MAN1A1: variants seen among roughly 807,000 people sequenced by gnomAD.
MAN1A1 encodes mannosidase alpha class 1A member 1, also known as mannosyl-oligosaccharide 1,2-alpha-mannosidase IA.
Under a neutral mutation model 70.8 loss-of-function variants are expected in MAN1A1, and 29 were observed. The ratio of observed to expected loss-of-function variants is 0.41; its 90% CI spans 0.31 to 0.56. MAN1A1 has a LOEUF of 0.56. Ranked by LOEUF, MAN1A1 falls within the 20% of genes least tolerant of loss-of-function variation. The pLI, the probability that MAN1A1 is intolerant of heterozygous loss-of-function variation, is 0.29. For missense variants in MAN1A1, 747 were observed against 841.3 expected, an observed-to-expected ratio of 0.89 and a Z score of 1.39; for synonymous variants, 349 against 330.1, an observed-to-expected ratio of 1.06 and a Z score of -0.62.
Position 119,221,472 on chromosome 6 carries a change from C to CTT in MAN1A1, c.993-16592_993-16591dup, listed in dbSNP as rs5879491. On this transcript the variant is annotated intron_variant, in intron 6 of 12. Coordinates refer to ENST00000368468, the MANE Select transcript of MAN1A1 (RefSeq NM_005907.4). ...AATATTCAGAGACCCATTTTCTTTT[C>CTT]TTTTTTTTTTTTTTTTCGAGACAGA... Among the ~76,000 whole-genome samples, 331 of 130,340 alleles carry CTT rather than the reference C, an allele frequency of 2.5e-3. 5 individuals are homozygous for CTT. In the East Asian group the frequency reaches 0.042, roughly 16 times the overall value. 85.5% of individuals were successfully genotyped at this position (130,340 alleles called of 152,430 possible).
Position 119,265,531 on chromosome 6 carries a change from A to G in MAN1A1, c.898-17177T>C, listed in dbSNP as rs991550415. Reference sequence around the variant, plus strand: ...AAAGTTTAATAAAAATTTTAAATAAATAAACATTTAAAAAAATTTCCTAAG... The same window carrying G: ...AAAGTTTAATAAAAATTTTAAATAAGTAAACATTTAAAAAAATTTCCTAAG... On this transcript the variant is annotated intron_variant, in intron 5 of 12. Coordinates refer to ENST00000368468, the MANE Select transcript of MAN1A1 (RefSeq NM_005907.4). Among the ~76,000 whole-genome samples the G allele has an allele frequency of 6.6e-5, 10 of 152,326 alleles. No individual in the cohort carries two copies. In the East Asian group the frequency reaches 1.9e-3, roughly 29 times the overall value.
At chr6:119,276,128 G>C (rs1464421506) in intron 5 of MAN1A1, among the ~76,000 whole-genome samples, 1 of 152,104 alleles carries the variant, frequency 6.6e-6, no homozygotes, top group African/African-American at 2.4e-5. Flanking sequence ...TCTTTAGAAT[G>C]TTATTTCCTC....
intron 5 of MAN1A1, among the ~76,000 whole-genome samples, chr6:119,259,653 G>A (rs11153800): frequency 0.32 from 48,907 of 151,830 alleles, 8,335 homozygotes; most frequent in Non-Finnish European, 0.35. Context: ...TGACAGATGA[G>A]CATTTTAAAT....
chr6:119,296,148 G>A lies in MAN1A1; in HGVS notation c.817-5385C>T, dbSNP rs146025922. 4.1e-3 allele frequency among the ~76,000 whole-genome samples: 631 copies of A among 152,282 alleles called. 3 individuals are homozygous for A. The highest frequency in any genetic ancestry group is 0.015 in the African/African-American group (611 of 41,584). The stretch of plus-strand genomic sequence containing the variant: ...AATATTTCACAGTGTAAGTCAGTCT[G>A]TCACAGTGTGTCCTGGCAGCCTTTG... On this transcript the variant is annotated intron_variant, in intron 4 of 12. Coordinates refer to ENST00000368468, the MANE Select transcript of MAN1A1 (RefSeq NM_005907.4).
At chr6:119,212,227 T>C (rs1774074986) in intron 6 of MAN1A1, among the ~76,000 whole-genome samples, 1 of 151,144 alleles carries the variant, frequency 6.6e-6, no homozygotes, top group Non-Finnish European at 1.5e-5. Flanking sequence ...ATTAGGAAAA[T>C]TTTTACCTTG....
rs780705998 is a variant in MAN1A1 at position 119,348,692 on chromosome 6, C to A, written c.374G>T (p.Arg125Leu). The change falls in exon 2 of 13, where the codon CGC becomes CTC. Residue 125 changes from arginine (R) to leucine (L), a missense_variant. Coordinates refer to ENST00000368468, the MANE Select transcript of MAN1A1 (RefSeq NM_005907.4). ...CCTGAGAGCCCGCTCGTGGTTTTCG[C>A]GGATCCTGGCCAAGTTGTCCTCCAG... is the stretch of plus-strand genomic sequence containing the variant. Reference protein sequence around the residue: ...AALEDNLARIRENHERALREA... With the variant: ...AALEDNLARILENHERALREA... The A allele has an allele frequency of 6.2e-7, 1 of 1,610,044 alleles. No homozygotes were observed. The highest frequency in any genetic ancestry group is 1.1e-5 in the South Asian group (1 of 90,458).
chr6:119,349,517 A>T, intron 1 of MAN1A1, 25 bp downstream of exon 1: 1 of 984,060 alleles, frequency 1.0e-6, no homozygotes, highest in Non-Finnish European at 1.2e-6. Context: ...GCAGCGCGCG[A>T]GCACCTCGGG....
chr6:119,184,828 T>C (rs970775575), intron 11 of MAN1A1, among the ~76,000 whole-genome samples: 2 of 152,156 alleles, frequency 1.3e-5, no homozygotes, highest in Non-Finnish European at 2.9e-5. Flanking sequence ...AATATTCTGA[T>C]AAAGCTCATG....
chr6:119,317,346 CAT>C (rs747859922), intron 2 of MAN1A1, among the ~76,000 whole-genome samples: 2 of 152,126 alleles, frequency 1.3e-5, no homozygotes, highest in Non-Finnish European at 2.9e-5. Flanking sequence ...ACCATAGTAT[CAT>C]AGAGTATTTT....
chr6:119,196,843 T>C (rs17442147), intron 8 of MAN1A1, among the ~76,000 whole-genome samples: 7,164 of 152,246 alleles, frequency 0.047, 215 homozygotes, highest in East Asian at 0.094. Flanking sequence ...ATGGCTGTTA[T>C]AGAAATCAAG....
At chr6:119,287,411 C>T (rs1454812971) in intron 5 of MAN1A1, among the ~76,000 whole-genome samples, 1 of 152,058 alleles carries the variant, frequency 6.6e-6, no homozygotes. Flanking sequence ...GTGTCATCTT[C>T]TCTTGCAATG....
chr6:119,312,070 T>C (rs776102469), intron 2 of MAN1A1, among the ~76,000 whole-genome samples: 2 of 152,142 alleles, frequency 1.3e-5, no homozygotes, highest in African/African-American at 2.4e-5. Context: ...CTGTTTGTCA[T>C]GAAAGGGAAG....
At chr6:119,203,801 G>A (rs77682074) in intron 7 of MAN1A1, among the ~76,000 whole-genome samples, 5,800 of 152,220 alleles carry the variant, frequency 0.038, 149 homozygotes, top group Non-Finnish European at 0.06. Flanking sequence ...TGTCTATCGG[G>A]CCTCTTAGTG....
intron 3 of MAN1A1, among the ~76,000 whole-genome samples, chr6:119,305,536 C>T (rs138669918): frequency 6.9e-4 from 105 of 152,216 alleles, no homozygotes; most frequent in African/African-American, 1.9e-3. Flanking sequence ...CTTCTACTGC[C>T]TCTACTTCAG....
At chr6:119,342,782 T>C (rs532206128) in intron 2 of MAN1A1, among the ~76,000 whole-genome samples, 1 of 152,320 alleles carries the variant, frequency 6.6e-6, no homozygotes, top group Non-Finnish European at 1.5e-5. Flanking sequence ...ATTCTTCTAT[T>C]ATCCATGGTG....
Position 119,348,988 on chromosome 6 carries a change from A to ACCGCCG in MAN1A1, c.72_77dup (p.Gly26_Gly27dup), listed in dbSNP as rs772081084. 6.9e-7 allele frequency: 1 copy of ACCGCCG among 1,450,638 alleles called. No homozygotes were observed. Among genetic ancestry groups the ACCGCCG allele is most frequent in the Admixed American group, 2.6e-5 (1 of 38,656 alleles). The allele number at this position is 1,450,638 out of a possible 1,614,324, so 89.9% of individuals were successfully genotyped here. On this transcript the variant is annotated inframe_insertion, in exon 2 of 13. Transcript: ENST00000368468. ...CGGCGGGGCCCGACCCCTTCCTGCC[A>ACCGCCG]CCGCCGCCGCCGAGCCCCCCGCCCA...
In MAN1A1 at chr6:119,199,196, A is replaced by C. The variant is rs552254572; in HGVS notation, c.1210+2058T>G. Among the ~76,000 whole-genome samples, 5 of 152,368 alleles carry C rather than the reference A, an allele frequency of 3.3e-5. No homozygotes were observed. In the East Asian group the frequency reaches 7.7e-4, roughly 23 times the overall value. ...TTGTGTCAAGCTCATGGTAGCATGTACAAGTTTTCCAAAATTCTATTTTTT... is the reference window on the plus strand; with the variant it reads ...TTGTGTCAAGCTCATGGTAGCATGTCCAAGTTTTCCAAAATTCTATTTTTT... On this transcript the variant is annotated intron_variant, in intron 8 of 12. Coordinates refer to ENST00000368468, the MANE Select transcript of MAN1A1 (RefSeq NM_005907.4).
intron 7 of MAN1A1, among the ~76,000 whole-genome samples, chr6:119,202,109 T>G (rs1773729293): frequency 6.6e-6 from 1 of 152,198 alleles, no homozygotes; most frequent in Non-Finnish European, 1.5e-5. Flanking sequence ...TTACTGTAAT[T>G]TTACTTTATA....
intron 2 of MAN1A1, among the ~76,000 whole-genome samples, chr6:119,311,128 T>C (rs1207606986): frequency 1.3e-5 from 2 of 152,202 alleles, no homozygotes; most frequent in Non-Finnish European, 2.9e-5. Context: ...GTTGTGGTGA[T>C]GATTAAATAA....
Sources: allele counts gnomAD v4.1 joint callset (sites outside exome capture counted in the v4.1 genomes callset), GRCh38; gene constraint gnomAD v4.1.1; transcripts MANE v1.5; gene names NCBI Gene and HGNC (gene_info 2026-07-23, HGNC 2026-07-21).